The following STMND1 variants were observed in gnomAD, a reference collection of about 807,000 sequenced individuals.
STMND1 encodes stathmin domain containing 1, also known as stathmin domain-containing protein 1.
Under a neutral mutation model 23.0 loss-of-function variants are expected in STMND1, and 17 were observed. The observed-to-expected ratio is 0.74, with a 90% CI of 0.51 to 1.11. The LOEUF is 1.11. Ranked by LOEUF, STMND1 falls within the 50% of genes least tolerant of loss-of-function variation. The pLI, the probability that STMND1 is intolerant of heterozygous loss-of-function variation, is 0.00. For missense variants in STMND1, 305 were observed against 329.1 expected (o/e 0.93, Z 0.57); for synonymous variants, 114 against 119.9 (o/e 0.95, Z 0.32).
chr6:17,127,691 A>G (rs1761326946), intron 3 of STMND1, among the ~76,000 whole-genome samples: 1 of 152,198 alleles, frequency 6.6e-6, no homozygotes, highest in East Asian at 1.9e-4. Context: ...TACCTATAGC[A>G]TTATAGTCTG....
chr6:17,129,611 G>A lies in STMND1; in HGVS notation c.543+368G>A, dbSNP rs369700910. Among the ~76,000 whole-genome samples the A allele has an allele frequency of 5.9e-4, 90 of 152,034 alleles. 2 individuals are homozygous for A. The East Asian group carries it at 0.016, about 27-fold the overall frequency. ...TGTAATCCCAGCACTTTGGGAGGCC[G>A]AGGCAGGCGGATCACGAGGTCAGGA... On this transcript the variant is annotated intron_variant, in intron 4 of 4. Coordinates refer to ENST00000536551, the MANE Select transcript of STMND1 (RefSeq NM_001190766.2).
chr6:17,119,485 C>T (rs951334966), intron 2 of STMND1, among the ~76,000 whole-genome samples: 2 of 152,138 alleles, frequency 1.3e-5, no homozygotes, highest in Admixed American at 6.5e-5. Flanking sequence ...AGGCAGATCA[C>T]CTGAGGTCAG....
At chr6:17,108,347 C>T (rs576564605) in intron 1 of STMND1, among the ~76,000 whole-genome samples, 5 of 31,198 alleles carry the variant, frequency 1.6e-4, no homozygotes, top group Admixed American at 3.3e-4. Context: ...TCTCAATTCC[C>T]GTGGGCATTT....
At chr6:17,109,132 G>A (rs577060344) in intron 1 of STMND1, among the ~76,000 whole-genome samples, 13 of 152,142 alleles carry the variant, frequency 8.5e-5, no homozygotes, top group Non-Finnish European at 1.6e-4. Context: ...ACAGATGGAC[G>A]GAGACAGAGA....
chr6:17,121,548 A>T (rs895787057), intron 3 of STMND1, among the ~76,000 whole-genome samples: 6 of 152,204 alleles, frequency 3.9e-5, no homozygotes, highest in African/African-American at 1.4e-4. Flanking sequence ...CCCTGACTTG[A>T]TCATTACGCA....
intron 3 of STMND1, among the ~76,000 whole-genome samples, chr6:17,126,235 G>A (rs1761303941): frequency 6.6e-6 from 1 of 151,200 alleles, no homozygotes; most frequent in Non-Finnish European, 1.5e-5. Flanking sequence ...ACGTTTTTAA[G>A]TTCCAACATT....
intron 1 of STMND1, among the ~76,000 whole-genome samples, chr6:17,103,918 C>G (rs1016198290): frequency 6.6e-6 from 1 of 152,148 alleles, no homozygotes; most frequent in Non-Finnish European, 1.5e-5. Context: ...TGACAGGATC[C>G]TAACAAGTTT....
At chr6:17,127,276 G>A (rs1293753767) in intron 3 of STMND1, among the ~76,000 whole-genome samples, 5 of 152,356 alleles carry the variant, frequency 3.3e-5, no homozygotes, top group East Asian at 3.9e-4. Context: ...CACGCTGGGC[G>A]TGGAGGCTCA....
chr6:17,105,861 C>T (rs1020004903), intron 1 of STMND1, among the ~76,000 whole-genome samples: 47 of 151,176 alleles, frequency 3.1e-4, no homozygotes, highest in African/African-American at 1.1e-3. Context: ...GGAGGCGGAA[C>T]TTGCAGTGAG....
In STMND1 at chr6:17,108,696, C is replaced by CTT. The variant is rs10653504; in HGVS notation, c.82-6253_82-6252dup. Among the ~76,000 whole-genome samples, 251 of 138,738 alleles carry CTT rather than the reference C, an allele frequency of 1.8e-3. 7 individuals are homozygous for CTT. The highest frequency in any genetic ancestry group is 0.015 in the Middle Eastern group (4 of 264). The allele number at this position is 138,738 out of a possible 152,430, so 91.0% of individuals were successfully genotyped here. A position where few individuals can be genotyped will look rare whatever the true frequency, so the allele number is the denominator to read the frequency against. ...TCTCCTTCCTGTTCTTTTTCTTTTTCTTTTTTTTTTTTTTGAGATGGAGAT... is the reference window on the plus strand; with the variant it reads ...TCTCCTTCCTGTTCTTTTTCTTTTTCTTTTTTTTTTTTTTTTGAGATGGAGAT... On this transcript the variant is annotated intron_variant, in intron 1 of 4. Transcript: ENST00000536551.
intron 1 of STMND1, among the ~76,000 whole-genome samples, chr6:17,109,080 C>T (rs1336507361): frequency 6.6e-6 from 1 of 152,140 alleles, no homozygotes; most frequent in Non-Finnish European, 1.5e-5. Flanking sequence ...TCTGCTTACT[C>T]TACAGGGACA....
chr6:17,126,753 C>T (rs1761312165), intron 3 of STMND1, among the ~76,000 whole-genome samples: 1 of 152,186 alleles, frequency 6.6e-6, no homozygotes, highest in South Asian at 2.1e-4. Flanking sequence ...GGTTTTCAAG[C>T]AGTGAAAAAC....
At chr6:17,106,496 C>T (rs554229999) in intron 1 of STMND1, among the ~76,000 whole-genome samples, 78 of 152,136 alleles carry the variant, frequency 5.1e-4, no homozygotes, top group Non-Finnish European at 7.2e-4. Flanking sequence ...CCTAACTAGA[C>T]TAATGACAGT....
chr6:17,130,745 T>G lies in STMND1; in HGVS notation c.695T>G (p.Leu232Arg). Residue 232 changes from leucine (L) to arginine (R), a missense_variant, in exon 5 of 5, where the codon CTG (leucine) becomes CGG (arginine). Coordinates refer to ENST00000536551, the MANE Select transcript of STMND1 (RefSeq NM_001190766.2). ...TCTGCTGGATTTGAACCATCTGACC[T>G]GCAGGGAGGAAAACCATTGAAGAGG... Reference protein sequence around the residue: ...VRSAGFEPSDLQGGKPLKRKK... With the variant: ...VRSAGFEPSDRQGGKPLKRKK... 6.5e-7 allele frequency: 1 copy of G among 1,536,104 alleles called. No homozygotes were observed.
At chr6:17,107,415 A>C (rs1482577908) in intron 1 of STMND1, among the ~76,000 whole-genome samples, 1 of 152,150 alleles carries the variant, frequency 6.6e-6, no homozygotes, top group Non-Finnish European at 1.5e-5. Flanking sequence ...AATTGATAAA[A>C]AAATTTATCC....
At chr6:17,129,325 GT>G (rs1460433253) in intron 4 of STMND1, 82 bp downstream of exon 4, 1 of 1,375,822 alleles carries the variant, frequency 7.3e-7, no homozygotes, top group African/African-American at 1.5e-5. Flanking sequence ...CCTATCAGCA[GT>G]TTTAAGACAA....
intron 4 of STMND1, among the ~76,000 whole-genome samples, chr6:17,130,234 C>T (rs146813640): frequency 1.8e-4 from 27 of 152,198 alleles, no homozygotes; most frequent in African/African-American, 6.3e-4. Flanking sequence ...GGTTGAGGTG[C>T]GGCGTTAAAC....
At chr6:17,114,652 G>C (rs914925341) in intron 1 of STMND1, among the ~76,000 whole-genome samples, 2 of 152,232 alleles carry the variant, frequency 1.3e-5, no homozygotes, top group African/African-American at 4.8e-5. Context: ...AGAATCTAAT[G>C]TCACTGCTGA....
Position 17,115,128 on chromosome 6 carries a change from G to C in STMND1, c.248G>C (p.Arg83Pro). 1 of 1,534,358 alleles carries C rather than the reference G, an allele frequency of 6.5e-7. No individual in the cohort carries two copies. The highest frequency in any genetic ancestry group is 8.7e-7 in the Non-Finnish European group (1 of 1,146,302). ...CCATCTCCTAGTGAAAGAAACAGAC[G>C]AGTAAATTCAGGTAACCTCCCTCTG... ...NSPSPSERNR[R>P]VNSDLVTNGL... Residue 83 changes from arginine to proline, a missense_variant, in exon 2 of 5, where the codon CGA (arginine) becomes CCA (proline). Coordinates refer to ENST00000536551, the MANE Select transcript of STMND1 (RefSeq NM_001190766.2).
Sources: gnomAD v4.1 joint callset for allele counts (sites outside exome capture counted in the v4.1 genomes callset) on GRCh38, gnomAD v4.1.1 for gene constraint, MANE v1.5 for transcripts, NCBI Gene and HGNC (gene_info 2026-07-23, HGNC 2026-07-21) for gene names.